The following TBC1D2B variants were observed in gnomAD, a reference collection of about 807,000 sequenced individuals.
TBC1D2B encodes TBC1 domain family member 2B, also known as TBC1 domain family, member 2B.
TBC1D2B carries 64 observed loss-of-function variants against 100.8 expected under a neutral mutation model. The observed-to-expected ratio is 0.64, with a 90% CI of 0.52 to 0.78. The LOEUF (loss-of-function observed/expected upper bound fraction) is 0.78. TBC1D2B is among the 30% of genes least tolerant of loss of function. The probability of loss-of-function intolerance (pLI) is 0.00; values close to 1 mark genes in which losing one functional copy is unlikely to be tolerated. For missense variants in TBC1D2B, 1,052 were observed against 1,218.4 expected, an observed-to-expected ratio of 0.86 and a Z score of 2.03; for synonymous variants, 480 against 479.7, an observed-to-expected ratio of 1.00 and a Z score of -0.01.
chr15:78,032,511 T>C (rs1347386712), intron 3 of TBC1D2B, among the ~76,000 whole-genome samples: 1 of 151,034 alleles, frequency 6.6e-6, no homozygotes, highest in Non-Finnish European at 1.5e-5. Context: ...AAGTGGGAAG[T>C]ACAAGTCACA....
chr15:78,062,685 T>C (rs758835807), intron 1 of TBC1D2B, among the ~76,000 whole-genome samples: 6 of 152,232 alleles, frequency 3.9e-5, no homozygotes, highest in Non-Finnish European at 8.8e-5. Flanking sequence ...TTCTAGCCAA[T>C]TGGTAGAAAA....
chr15:78,012,720 T>C (rs2072262226), intron 9 of TBC1D2B, 103 bp downstream of exon 9: 13 of 1,272,718 alleles, frequency 1.0e-5, no homozygotes, highest in East Asian at 2.7e-5. Flanking sequence ...TCTTAAAATA[T>C]TGACTTTTCT....
In TBC1D2B at chr15:78,010,751, A is replaced by G. The variant is rs370813370; in HGVS notation, c.2271-1637T>C. ...AGGTCTGAATCACCATCATCTAGAC[A>G]AGGCTACAGTTGTCCTTCTAAAGTT... is the stretch of plus-strand genomic sequence containing the variant. On this transcript the variant is annotated intron_variant, in intron 9 of 12. Coordinates refer to ENST00000300584, the MANE Select transcript of TBC1D2B (RefSeq NM_144572.2). 1.1e-4 allele frequency among the ~76,000 whole-genome samples: 16 copies of G among 152,332 alleles called. 1 individual carries two copies. In the East Asian group the frequency reaches 2.7e-3, roughly 26 times the overall value.
intron 2 of TBC1D2B, among the ~76,000 whole-genome samples, chr15:78,053,559 G>C (rs2073358893): frequency 6.6e-6 from 1 of 152,224 alleles, no homozygotes; most frequent in African/African-American, 2.4e-5. Flanking sequence ...GAAATGCCAT[G>C]AATCCAGGAT....
chr15:78,065,473 C>T (rs2073636762), intron 1 of TBC1D2B, among the ~76,000 whole-genome samples: 1 of 152,198 alleles, frequency 6.6e-6, no homozygotes, highest in African/African-American at 2.4e-5. Context: ...ACATGCTCGT[C>T]CCTACAGGAA....
At chr15:78,018,070 A>G (rs2072422022) in intron 6 of TBC1D2B, 113 bp from the exon 7 acceptor site, 1 of 564,114 alleles carries the variant, frequency 1.8e-6, no homozygotes, top group Non-Finnish European at 3.0e-6. Flanking sequence ...CTGCTAAGTT[A>G]GAGTAAGTTC....
intron 12 of TBC1D2B, among the ~76,000 whole-genome samples, chr15:78,001,180 C>T (rs1319746244): frequency 6.6e-6 from 1 of 152,184 alleles, no homozygotes; most frequent in Non-Finnish European, 1.5e-5. Context: ...CCTTGCTGCC[C>T]CTTGCCCAGC....
chr15:77,996,689 T>G lies in TBC1D2B; in HGVS notation c.*1471A>C, dbSNP rs1431323650. On this transcript the variant is annotated 3_prime_UTR_variant, in exon 13 of 13. Coordinates refer to ENST00000300584, the MANE Select transcript of TBC1D2B (RefSeq NM_144572.2). ...CTGAAACACCAACTTTGCCGTGGCA[T>G]TGCCAAAAAGTTGACAGCAAAAAAT... is the stretch of plus-strand genomic sequence containing the variant. The G allele has an allele frequency of 6.6e-6, 1 of 152,238 alleles. No individual in the cohort carries two copies. Among genetic ancestry groups the G allele is most frequent in the Non-Finnish European group, 1.5e-5 (1 of 68,048 alleles). The allele number at this position is 152,238 out of a possible 1,614,324, so 9.4% of individuals were successfully genotyped here. A position where few individuals can be genotyped will look rare whatever the true frequency, so the allele number is the denominator to read the frequency against.
intron 6 of TBC1D2B, 60 bp downstream of exon 6, chr15:78,024,096 C>T: frequency 6.5e-7 from 1 of 1,540,530 alleles, no homozygotes; most frequent in Non-Finnish European, 8.7e-7. Context: ...GAGGCCAGGC[C>T]TCTGGGGTGA....
At position 78,013,042 on chromosome 15, in the gene TBC1D2B, T is replaced by C. The variant is rs139151755; in HGVS notation, c.2051A>G (p.Lys684Arg). 6.2e-6 allele frequency: 10 copies of C among 1,613,940 alleles called. No individual in the cohort carries two copies. The highest frequency in any genetic ancestry group is 1.3e-5 in the African/African-American group (1 of 75,052). ...GAAGTGGCCAGGCTCAGTGTTGTCC[T>C]TGAACTTCCTGGTGTGACGGTCCAC... ...WCVDRHTRKF[K>R]DNTEPGHFQT... Residue 684 changes from lysine (K) to arginine (R), a missense_variant, in exon 9 of 13, where the codon AAG (lysine) becomes AGG (arginine). By Grantham distance (26) the Lys-to-Arg change is conservative. Coordinates refer to ENST00000300584, the MANE Select transcript of TBC1D2B (RefSeq NM_144572.2).
At chr15:78,040,327 G>C (rs140216007) in intron 3 of TBC1D2B, among the ~76,000 whole-genome samples, 1 of 152,282 alleles carries the variant, frequency 6.6e-6, no homozygotes, top group African/African-American at 2.4e-5. Context: ...CACCTGTAAA[G>C]GTGTATGTAA....
At chr15:78,021,095 G>T (rs1423810678) in intron 6 of TBC1D2B, among the ~76,000 whole-genome samples, 1 of 152,120 alleles carries the variant, frequency 6.6e-6, no homozygotes, top group African/African-American at 2.4e-5. Flanking sequence ...AATCACTAGG[G>T]TGGCAAAATC....
At chr15:78,076,911 C>A (rs1280421099) in intron 1 of TBC1D2B, among the ~76,000 whole-genome samples, 1 of 152,202 alleles carries the variant, frequency 6.6e-6, no homozygotes, top group Non-Finnish European at 1.5e-5. Flanking sequence ...GGTACCAAGG[C>A]CATAGGCAAA....
At position 78,024,233 on chromosome 15, in the gene TBC1D2B, G is replaced by A. The variant is rs1455744660; in HGVS notation, c.1393C>T (p.Pro465Ser). 2 of 1,613,754 alleles carry A rather than the reference G, an allele frequency of 1.2e-6. No individual in the cohort carries two copies. The highest frequency in any genetic ancestry group is 1.3e-5 in the African/African-American group (1 of 74,928). Residue 465 changes from proline to serine, a missense_variant, in exon 6 of 13, where the codon CCT becomes TCT. By Grantham distance (74) the Pro-to-Ser change is moderately conservative. Transcript: ENST00000300584. ...IKLSEGEGNG[P>S]PPTVAPSSPS... ...GAGCTGGGCGCCACGGTGGGAGGAG[G>A]CCCGTTGCCCTCGCCCTCGCTGAGC...
At chr15:78,054,682 C>A (rs759508721) in intron 1 of TBC1D2B, among the ~76,000 whole-genome samples, 4 of 152,186 alleles carry the variant, frequency 2.6e-5, no homozygotes, top group Non-Finnish European at 4.4e-5. Context: ...AAAAAGTTGA[C>A]AATGCCAAGT....
Position 78,025,508 on chromosome 15 carries a change from A to T in TBC1D2B, c.848-11T>A. 2.6e-6 allele frequency: 4 copies of T among 1,543,708 alleles called. No homozygotes were observed. The highest frequency in any genetic ancestry group is 3.5e-6 in the Non-Finnish European group (4 of 1,140,548). On this transcript the variant is annotated splice_polypyrimidine_tract_variant and intron_variant, in intron 4 of 12. Coordinates refer to ENST00000300584, the MANE Select transcript of TBC1D2B (RefSeq NM_144572.2). ...CTGAGCCAGTTACTCCTACATAAAA[A>T]TAAAACTTGTATTTTATTATTATTA...
chr15:78,065,496 G>A lies in TBC1D2B; in HGVS notation c.361-11309C>T, dbSNP rs940201270. On this transcript the variant is annotated intron_variant, in intron 1 of 12. Transcript: ENST00000300584. The stretch of plus-strand genomic sequence containing the variant: ...GTCCCTACAGGAAATGTAGAAGCCT[G>A]TCAAAATACTTTCTGTTTCAGAGAG... Among the ~76,000 whole-genome samples the A allele has an allele frequency of 2.0e-5, 3 of 152,310 alleles. No homozygotes were observed. The East Asian group carries it at 5.8e-4, about 29-fold the overall frequency.
At chr15:78,019,810 C>A (rs1349206667) in intron 6 of TBC1D2B, among the ~76,000 whole-genome samples, 6 of 151,792 alleles carry the variant, frequency 4.0e-5, no homozygotes, top group Admixed American at 3.3e-4. Flanking sequence ...AATCACTTGA[C>A]CCCAGGAGGT....
chr15:78,024,206 G>A lies in TBC1D2B; in HGVS notation c.1420C>T (p.Pro474Ser). Reference sequence around the variant, plus strand: ...TCCCTGGCAACAGGCACAACCGAAGGGGAGCTGGGCGCCACGGTGGGAGGA... The same window carrying A: ...TCCCTGGCAACAGGCACAACCGAAGAGGAGCTGGGCGCCACGGTGGGAGGA... ...GPPPTVAPSS[P>S]SVVPVARDQL... The change falls in exon 6 of 13, where the codon CCT becomes TCT. Residue 474 changes from proline (P) to serine (S), a missense_variant. By Grantham distance (74) the Pro-to-Ser change is moderately conservative. This residue lies in a region of TBC1D2B where 627 missense variants were observed against 646.1 expected (regional missense o/e 0.97). Transcript: ENST00000300584. 1 of 1,613,856 alleles carries A rather than the reference G, an allele frequency of 6.2e-7. No individual in the cohort carries two copies. The highest frequency in any genetic ancestry group is 8.5e-7 in the Non-Finnish European group (1 of 1,179,892).
Sources: allele counts gnomAD v4.1 joint callset (sites outside exome capture counted in the v4.1 genomes callset), GRCh38; gene constraint gnomAD v4.1.1; regional missense constraint gnomAD v4.1.1; transcripts MANE v1.5; gene names NCBI Gene and HGNC (gene_info 2026-07-23, HGNC 2026-07-21).